The following PCDH11X variants were observed in gnomAD, a reference collection of about 807,000 sequenced individuals.
The protein encoded by PCDH11X is protocadherin-11 X-linked.
Under a neutral mutation model 53.3 loss-of-function variants are expected in PCDH11X, and 18 were observed. That is an observed-to-expected ratio of 0.34 (90% CI 0.23 to 0.50). The LOEUF is 0.50. Among genes scored for constraint, PCDH11X ranks in the 20% least tolerant of loss-of-function variants. The pLI is 0.98. For synonymous variants in PCDH11X, 279 were observed against 393.3 expected (o/e 0.71, Z 3.44); for missense variants, 570 against 1,032.4 (o/e 0.55, Z 6.14).
At chrX:91,783,993 C>T (rs1935250183) in intron 1 of PCDH11X, among the ~76,000 whole-genome samples, 1 of 111,798 alleles carries the variant, frequency 8.9e-6, no homozygotes, top group African/African-American at 3.3e-5. Flanking sequence ...ATAGTCATTC[C>T]TAGTCAGTGG....
chrX:91,886,190 AT>A (rs2147752717), intron 6 of PCDH11X, among the ~76,000 whole-genome samples: 1 of 111,758 alleles, frequency 8.9e-6, no homozygotes, highest in South Asian at 3.8e-4. Context: ...AAGTTCTCAG[AT>A]ATCTCCAACC....
chrX:92,059,291 T>C (rs951882304), intron 6 of PCDH11X, among the ~76,000 whole-genome samples: 3 of 111,305 alleles, frequency 2.7e-5, no homozygotes, highest in Admixed American at 9.6e-5. Context: ...TACAGGACTT[T>C]TTCATATATT....
intron 8 of PCDH11X, among the ~76,000 whole-genome samples, chrX:92,341,164 G>A (rs2069748741): frequency 9.0e-6 from 1 of 111,723 alleles, no homozygotes; most frequent in Non-Finnish European, 1.9e-5. Context: ...TTCCCAATAA[G>A]GTCCTCATTT....
chrX:92,487,293 T>G (rs968687257), intron 10 of PCDH11X, among the ~76,000 whole-genome samples: 8 of 109,192 alleles, frequency 7.3e-5, no homozygotes, highest in African/African-American at 2.3e-4. Flanking sequence ...GCTTTCTACT[T>G]TTTTGTTTAA....
chrX:92,183,762 G>A (rs1000818602), intron 6 of PCDH11X, among the ~76,000 whole-genome samples: 1 of 111,795 alleles, frequency 8.9e-6, no homozygotes, highest in African/African-American at 3.3e-5. Flanking sequence ...GACACACCAC[G>A]TACAGCAAAC....
At chrX:92,149,832 A>C (rs1190526227) in intron 6 of PCDH11X, among the ~76,000 whole-genome samples, 1 of 110,940 alleles carries the variant, frequency 9.0e-6, no homozygotes, top group Non-Finnish European at 1.9e-5. Context: ...AGTTTATATC[A>C]ATGGAATCAC....
intron 6 of PCDH11X, among the ~76,000 whole-genome samples, chrX:91,983,971 G>C (rs1316271935): frequency 2.7e-5 from 3 of 109,440 alleles, no homozygotes; most frequent in African/African-American, 1.0e-4. Context: ...AGTTTAATCT[G>C]GAAAATCATC....
chrX:92,289,173 T>C (rs922449287), intron 8 of PCDH11X, among the ~76,000 whole-genome samples: 90 of 111,462 alleles, frequency 8.1e-4, no homozygotes, highest in African/African-American at 2.9e-3. Flanking sequence ...TCACTGAGTT[T>C]TTATTCATAT....
chrX:91,783,624 T>C (rs1294116324), intron 1 of PCDH11X, among the ~76,000 whole-genome samples: 1 of 112,307 alleles, frequency 8.9e-6, no homozygotes, highest in Non-Finnish European at 1.9e-5. Flanking sequence ...CTAGGATTTA[T>C]AAGATTCTTG....
intron 9 of PCDH11X, among the ~76,000 whole-genome samples, chrX:92,429,183 T>C (rs1392033360): frequency 9.0e-6 from 1 of 111,609 alleles, no homozygotes; most frequent in Non-Finnish European, 1.9e-5. Flanking sequence ...CTTCTACCTG[T>C]ATCATAAAGC....
At chrX:92,501,233 T>A (rs1480346434) in intron 10 of PCDH11X, among the ~76,000 whole-genome samples, 3 of 108,566 alleles carry the variant, frequency 2.8e-5, no homozygotes, top group African/African-American at 1.0e-4. Flanking sequence ...CAGTAATAAA[T>A]AACCTACCTA....
At chrX:92,173,697 G>A (rs1233506784) in intron 6 of PCDH11X, among the ~76,000 whole-genome samples, 2 of 110,354 alleles carry the variant, frequency 1.8e-5, no homozygotes, top group African/African-American at 6.6e-5. Flanking sequence ...TTTCAAGGAT[G>A]TAATGAGAAA....
At chrX:92,398,691 C>G (rs1393362502) in intron 9 of PCDH11X, among the ~76,000 whole-genome samples, 4 of 110,916 alleles carry the variant, frequency 3.6e-5, no homozygotes, top group Admixed American at 1.9e-4. Context: ...GAGAAGCATT[C>G]TATTGGAGTG....
At chrX:92,173,447 G>A (rs147513669) in intron 6 of PCDH11X, among the ~76,000 whole-genome samples, 2,975 of 110,938 alleles carry the variant, frequency 0.027, 46 homozygotes, top group Non-Finnish European at 0.041. Flanking sequence ...TTTGTTAGAT[G>A]TAAACAATGA....
At chrX:92,057,012 C>G (rs2148056668) in intron 6 of PCDH11X, among the ~76,000 whole-genome samples, 1 of 111,131 alleles carries the variant, frequency 9.0e-6, no homozygotes, top group East Asian at 2.8e-4. Context: ...TAAAGTTACA[C>G]TCAAGTGCAA....
intron 6 of PCDH11X, among the ~76,000 whole-genome samples, chrX:91,944,835 A>G (rs1168222947): frequency 1.9e-5 from 2 of 106,725 alleles, no homozygotes; most frequent in Non-Finnish European, 3.9e-5. Context: ...AAGGCATTTC[A>G]TACTGTTAAA....
chrX:92,303,656 G>A (rs896482299), intron 8 of PCDH11X, among the ~76,000 whole-genome samples: 1 of 111,866 alleles, frequency 8.9e-6, no homozygotes, highest in African/African-American at 3.2e-5. Flanking sequence ...GTGTTTAAAT[G>A]TTTCTCAGGC....
At chrX:92,165,464 A>G (rs1603091674) in intron 6 of PCDH11X, among the ~76,000 whole-genome samples, 2 of 111,984 alleles carry the variant, frequency 1.8e-5, no homozygotes, top group African/African-American at 3.2e-5. Context: ...TAATCACAAA[A>G]CCTATCTTTT....
chrX:91,837,833 G>A (rs1229014795), intron 5 of PCDH11X, among the ~76,000 whole-genome samples: 3 of 111,447 alleles, frequency 2.7e-5, no homozygotes, highest in Non-Finnish European at 5.7e-5. Context: ...CCAGTCACAC[G>A]TAGCTGTAGA....
Sources: allele counts gnomAD v4.1 joint callset (sites outside exome capture counted in the v4.1 genomes callset), GRCh38; gene constraint gnomAD v4.1.1; transcripts MANE v1.5; gene names NCBI Gene and HGNC (gene_info 2026-07-23, HGNC 2026-07-21).